PARVA: variants seen among roughly 807,000 people sequenced by gnomAD.
PARVA encodes the protein alpha-parvin.
In PARVA, 25 loss-of-function variants were observed where a neutral mutation model predicts 52.6. The observed-to-expected ratio is 0.48, with a 90% CI of 0.35 to 0.66. PARVA has a LOEUF of 0.66. Among genes scored for constraint, PARVA ranks in the 30% least tolerant of loss-of-function variants. The pLI is 0.01. For missense variants in PARVA, 373 were observed against 450.9 expected, an observed-to-expected ratio of 0.83 and a Z score of 1.56; for synonymous variants, 185 against 179.1, an observed-to-expected ratio of 1.03 and a Z score of -0.26.
At chr11:12,513,221 G>T in intron 8 of PARVA, 78 bp from the exon 9 acceptor site, 2 of 1,222,920 alleles carry the variant, frequency 1.6e-6, no homozygotes, top group East Asian at 4.6e-5. Context: ...TGAGAGGCGC[G>T]TGGCTCTGGG....
At chr11:12,440,356 G>C (rs1940448449) in intron 1 of PARVA, among the ~76,000 whole-genome samples, 1 of 152,208 alleles carries the variant, frequency 6.6e-6, no homozygotes, top group Non-Finnish European at 1.5e-5. Context: ...GGAGAGTCCA[G>C]GTGGCCGGTG....
In PARVA at chr11:12,474,030, T is replaced by G. The variant is rs564913389; in HGVS notation, c.297+47T>G. Reference sequence around the variant, plus strand: ...CTTCAGGTGCCTCACTGACCCACCATGTGTCCATATGCCACCTGCTCTGTG... The same window carrying G: ...CTTCAGGTGCCTCACTGACCCACCAGGTGTCCATATGCCACCTGCTCTGTG... On this transcript the variant is annotated intron_variant, in intron 3 of 12. Transcript: ENST00000334956. The G allele has an allele frequency of 8.2e-5, 115 of 1,402,130 alleles. 2 individuals carry two copies. In the South Asian group the frequency reaches 1.3e-3, roughly 16 times the overall value. 86.9% of individuals were successfully genotyped at this position (1,402,130 alleles called of 1,614,324 possible).
intron 1 of PARVA, among the ~76,000 whole-genome samples, chr11:12,456,234 C>T (rs116214639): frequency 2.8e-4 from 43 of 152,302 alleles, no homozygotes; most frequent in African/African-American, 9.6e-4. Flanking sequence ...AGGATGCTTA[C>T]GAAGGCATGC....
chr11:12,463,148 T>C (rs765494724), intron 1 of PARVA, among the ~76,000 whole-genome samples: 6 of 152,164 alleles, frequency 3.9e-5, no homozygotes, highest in Non-Finnish European at 8.8e-5. Flanking sequence ...CTTAAATTAG[T>C]ATGGTACAAT....
At chr11:12,399,513 A>G (rs983999281) in intron 1 of PARVA, among the ~76,000 whole-genome samples, 61 of 152,354 alleles carry the variant, frequency 4.0e-4, no homozygotes, top group African/African-American at 1.5e-3. Context: ...CAAATTGCTA[A>G]ATATTTCTAA....
chr11:12,391,624 T>A, intron 1 of PARVA, among the ~76,000 whole-genome samples: 1 of 152,198 alleles, frequency 6.6e-6, no homozygotes, highest in East Asian at 1.9e-4. Context: ...CTGCATATGC[T>A]GCTAACTCCC....
At chr11:12,512,214 C>A (rs1167621190) in intron 8 of PARVA, among the ~76,000 whole-genome samples, 1 of 152,168 alleles carries the variant, frequency 6.6e-6, no homozygotes, top group Non-Finnish European at 1.5e-5. Flanking sequence ...CTAATTGTCT[C>A]GTGGAAATAA....
intron 1 of PARVA, among the ~76,000 whole-genome samples, chr11:12,394,012 A>C (rs907607332): frequency 5.3e-5 from 8 of 152,238 alleles, no homozygotes; most frequent in Non-Finnish European, 7.3e-5. Flanking sequence ...GAAACAATAA[A>C]AACCAATATT....
rs76662343 is a variant in PARVA at position 12,414,770 on chromosome 11, A to G, written c.136+36987A>G. ...AAAGTAATTCAAAACATGGAATTAG[A>G]TTCTTACAGCGTTAGTTGCGTGGAG... is the stretch of plus-strand genomic sequence containing the variant. On this transcript the variant is annotated intron_variant, in intron 1 of 12. Transcript: ENST00000334956. Among the ~76,000 whole-genome samples, 22 of 152,308 alleles carry G rather than the reference A, an allele frequency of 1.4e-4. No homozygotes were observed. In the East Asian group the frequency reaches 3.7e-3, roughly 25 times the overall value.
chr11:12,388,504 A>G (rs746980357), intron 1 of PARVA, among the ~76,000 whole-genome samples: 2 of 152,204 alleles, frequency 1.3e-5, no homozygotes, highest in African/African-American at 2.4e-5. Flanking sequence ...CTTGGGGGAA[A>G]GAAGAATGAA....
intron 1 of PARVA, among the ~76,000 whole-genome samples, chr11:12,440,002 G>A (rs1050812685): frequency 4.6e-5 from 7 of 152,242 alleles, no homozygotes; most frequent in African/African-American, 9.6e-5. Flanking sequence ...CACTGCTGGC[G>A]TAGCATGCAT....
In PARVA at chr11:12,530,428, T is replaced by C. The variant is rs954529098; in HGVS notation, c.*2503T>C. Reference sequence around the variant, plus strand: ...AACCAAAATGAGAATCAACACTTCATAGGCTCACTGGGTTTTCTTTTCTTT... The same window carrying C: ...AACCAAAATGAGAATCAACACTTCACAGGCTCACTGGGTTTTCTTTTCTTT... On this transcript the variant is annotated 3_prime_UTR_variant, in exon 13 of 13. Transcript: ENST00000334956. The C allele has an allele frequency of 6.6e-6, 1 of 152,242 alleles. No homozygotes were observed. The highest frequency in any genetic ancestry group is 2.4e-5 in the African/African-American group (1 of 41,480). The allele number at this position is 152,242 out of a possible 1,614,324, so 9.4% of individuals were successfully genotyped here.
intron 12 of PARVA, among the ~76,000 whole-genome samples, chr11:12,523,380 C>T (rs1941662936): frequency 6.6e-6 from 1 of 152,204 alleles, no homozygotes; most frequent in African/African-American, 2.4e-5. Flanking sequence ...GGCCTCCCAC[C>T]TTGGTCAAGG....
intron 1 of PARVA, among the ~76,000 whole-genome samples, chr11:12,405,185 G>A (rs1939885730): frequency 6.6e-6 from 1 of 152,270 alleles, no homozygotes; most frequent in South Asian, 2.1e-4. Context: ...ACAACAAAAA[G>A]GTGGGGCTGG....
intron 4 of PARVA, among the ~76,000 whole-genome samples, chr11:12,490,149 G>A (rs1027332247): frequency 5.5e-4 from 82 of 148,182 alleles, no homozygotes; most frequent in African/African-American, 1.9e-3. Flanking sequence ...CAGGGAAGCA[G>A]AGCTTGCCGT....
At chr11:12,517,976 C>T (rs1462564188) in intron 11 of PARVA, among the ~76,000 whole-genome samples, 2 of 152,192 alleles carry the variant, frequency 1.3e-5, no homozygotes, top group Non-Finnish European at 2.9e-5. Flanking sequence ...CCCAGCCCAG[C>T]CTCCTCTCTC....
chr11:12,442,595 C>T (rs529537376), intron 1 of PARVA, among the ~76,000 whole-genome samples: 2 of 151,960 alleles, frequency 1.3e-5, no homozygotes, highest in East Asian at 1.9e-4. Flanking sequence ...GACAAAAAGC[C>T]CTCATTGCTT....
chr11:12,445,538 A>G (rs1940532423), intron 1 of PARVA, among the ~76,000 whole-genome samples: 1 of 136,616 alleles, frequency 7.3e-6, no homozygotes, highest in Non-Finnish European at 1.7e-5. Flanking sequence ...ACAAGGTGGG[A>G]AGGCCTGGAT....
intron 1 of PARVA, among the ~76,000 whole-genome samples, chr11:12,418,977 A>T (rs764018955): frequency 8.5e-5 from 13 of 152,200 alleles, no homozygotes; most frequent in South Asian, 2.1e-4. Flanking sequence ...CCATTTGCAG[A>T]TGAGTAAATT....
Sources: allele counts gnomAD v4.1 joint callset (sites outside exome capture counted in the v4.1 genomes callset), GRCh38; gene constraint gnomAD v4.1.1; transcripts MANE v1.5; gene names NCBI Gene and HGNC (gene_info 2026-07-23, HGNC 2026-07-21).